GRM5: variants seen among roughly 807,000 people sequenced by gnomAD.
GRM5 encodes glutamate metabotropic receptor 5.
A neutral mutation model predicts 83.1 loss-of-function variants in GRM5; 19 were observed. That is an observed-to-expected ratio of 0.23 (90% confidence interval 0.16 to 0.34). The LOEUF (loss-of-function observed/expected upper bound fraction) is 0.34, where lower values mean the gene tolerates loss of function less well. Among genes scored for constraint, GRM5 ranks in the 10% least tolerant of loss-of-function variants. The pLI is 1.00. For missense variants in GRM5, 1,160 were observed against 1,588.3 expected (o/e 0.73, Z 4.58); for synonymous variants, 675 against 633.6 (o/e 1.07, Z -0.98).
At chr11:88,770,031 A>G (rs1212469091) in intron 3 of GRM5, among the ~76,000 whole-genome samples, 1 of 152,100 alleles carries the variant, frequency 6.6e-6, no homozygotes, top group Non-Finnish European at 1.5e-5. Context: ...CACCCTGGAT[A>G]TGATGTGATT....
intron 5 of GRM5, among the ~76,000 whole-genome samples, chr11:88,601,891 C>A (rs1286403806): frequency 6.6e-6 from 1 of 152,038 alleles, no homozygotes; most frequent in East Asian, 1.9e-4. Flanking sequence ...AGCTATAGCA[C>A]CTAAATAAAT....
At chr11:88,877,307 C>A (rs1157870623) in intron 2 of GRM5, among the ~76,000 whole-genome samples, 1 of 151,860 alleles carries the variant, frequency 6.6e-6, no homozygotes, top group East Asian at 1.9e-4. Flanking sequence ...TAGAAGAATG[C>A]AAATTAGAAA....
chr11:88,669,490 G>T (rs1375936533), intron 3 of GRM5, among the ~76,000 whole-genome samples: 3 of 151,800 alleles, frequency 2.0e-5, no homozygotes, highest in Non-Finnish European at 2.9e-5. Context: ...GGAAAGAAAA[G>T]AAATAAAAAG....
At chr11:88,782,263 C>A (rs1215301615) in intron 3 of GRM5, among the ~76,000 whole-genome samples, 1 of 152,042 alleles carries the variant, frequency 6.6e-6, no homozygotes, top group African/African-American at 2.4e-5. Context: ...TGAGACTGGG[C>A]AATTTACAAA....
At position 89,062,987 on chromosome 11, in the gene GRM5, G is replaced by C. The variant is rs1942025324; in HGVS notation, c.-201+2789C>G. Among the ~76,000 whole-genome samples the C allele has an allele frequency of 3.9e-5, 6 of 152,282 alleles. No homozygotes were observed. In the South Asian group the frequency reaches 1.2e-3, roughly 31 times the overall value. ...GAGGGCTCAGGCTGGTGTTCAAAGA[G>C]AGGCAATATAGCCTGAGTGAAAGAG... On this transcript the variant is annotated intron_variant, in intron 1 of 9. Transcript: ENST00000305447.
intron 3 of GRM5, among the ~76,000 whole-genome samples, chr11:88,657,735 C>T (rs557079285): frequency 4.6e-5 from 7 of 152,058 alleles, no homozygotes; most frequent in Non-Finnish European, 1.0e-4. Context: ...CTTGAATTAC[C>T]CTGCTATTTT....
chr11:89,033,038 A>T (rs895399344), intron 2 of GRM5, among the ~76,000 whole-genome samples: 1 of 151,978 alleles, frequency 6.6e-6, no homozygotes, highest in African/African-American at 2.4e-5. Flanking sequence ...TTGTAAGAAA[A>T]CTTAAAAGCC....
chr11:88,791,725 T>C (rs1481826123), intron 3 of GRM5, among the ~76,000 whole-genome samples: 2 of 152,150 alleles, frequency 1.3e-5, no homozygotes, highest in African/African-American at 4.8e-5. Flanking sequence ...TTTAAGATAC[T>C]CTATCAATAT....
chr11:89,063,283 C>A (rs1942033574), intron 1 of GRM5, among the ~76,000 whole-genome samples: 2 of 152,276 alleles, frequency 1.3e-5, no homozygotes, highest in East Asian at 1.9e-4. Flanking sequence ...CCCCATTGCT[C>A]GCGCCTTTTT....
intron 3 of GRM5, among the ~76,000 whole-genome samples, chr11:88,736,034 G>C (rs1941907325): frequency 6.6e-6 from 1 of 152,036 alleles, no homozygotes; most frequent in South Asian, 2.1e-4. Flanking sequence ...ACAATCATTT[G>C]TGGTCATTTA....
intron 2 of GRM5, among the ~76,000 whole-genome samples, chr11:88,884,842 G>A (rs778455145): frequency 2.3e-4 from 35 of 152,192 alleles, no homozygotes; most frequent in African/African-American, 5.5e-4. Flanking sequence ...TCTGCTTTCC[G>A]CCATGATTCT....
intron 7 of GRM5, among the ~76,000 whole-genome samples, chr11:88,580,404 A>G (rs1404942204): frequency 1.3e-5 from 2 of 152,248 alleles, no homozygotes; most frequent in African/African-American, 2.4e-5. Context: ...GGAGCACTTC[A>G]GCACAATAGC....
chr11:88,749,913 G>T (rs2135425822), intron 3 of GRM5, among the ~76,000 whole-genome samples: 1 of 152,208 alleles, frequency 6.6e-6, no homozygotes, highest in South Asian at 2.1e-4. Context: ...CATGAGGCCT[G>T]CCTTGCAAGA....
At chr11:88,757,376 C>T (rs1942416460) in intron 3 of GRM5, among the ~76,000 whole-genome samples, 1 of 152,120 alleles carries the variant, frequency 6.6e-6, no homozygotes, top group African/African-American at 2.4e-5. Context: ...TGCACTCCAC[C>T]CCACTTCCCC....
chr11:88,615,320 A>G (rs1191416861), intron 4 of GRM5, among the ~76,000 whole-genome samples: 1 of 152,152 alleles, frequency 6.6e-6, no homozygotes, highest in Non-Finnish European at 1.5e-5. Flanking sequence ...AAGAGAACAA[A>G]TAGAAGTTTA....
intron 2 of GRM5, among the ~76,000 whole-genome samples, chr11:88,974,036 C>G (rs187353670): frequency 6.6e-6 from 1 of 152,124 alleles, no homozygotes; most frequent in African/African-American, 2.4e-5. Flanking sequence ...AAAATGTTGG[C>G]CTTTATCCTA....
chr11:88,740,867 G>A (rs1379775466), intron 3 of GRM5, among the ~76,000 whole-genome samples: 1 of 152,034 alleles, frequency 6.6e-6, no homozygotes, highest in Non-Finnish European at 1.5e-5. Context: ...CAGGTTGGAG[G>A]AAGATTATCT....
chr11:88,725,416 T>G (rs1941653683), intron 3 of GRM5, among the ~76,000 whole-genome samples: 1 of 152,120 alleles, frequency 6.6e-6, no homozygotes. Flanking sequence ...TCTCATCTCC[T>G]TGGGACAGAG....
At chr11:89,017,560 A>T (rs1940888775) in intron 2 of GRM5, among the ~76,000 whole-genome samples, 1 of 152,084 alleles carries the variant, frequency 6.6e-6, no homozygotes, top group Non-Finnish European at 1.5e-5. Context: ...CCTTCCAACA[A>T]CCTTTCAAGA....
Sources: allele counts gnomAD v4.1 joint callset (sites outside exome capture counted in the v4.1 genomes callset), GRCh38; gene constraint gnomAD v4.1.1; transcripts MANE v1.5; gene names NCBI Gene and HGNC (gene_info 2026-07-23, HGNC 2026-07-21).